ITGA1: variants seen among roughly 807,000 people sequenced by gnomAD.
ITGA1 encodes integrin subunit alpha 1.
ITGA1 carries 85 observed loss-of-function variants against 145.9 expected under a neutral mutation model. That is an observed-to-expected ratio of 0.58 (90% CI 0.49 to 0.70). ITGA1 has a LOEUF of 0.70. Ranked by LOEUF, ITGA1 falls within the 30% of genes least tolerant of loss-of-function variation. The probability of loss-of-function intolerance (pLI) is 0.00; values close to 1 mark genes in which losing one functional copy is unlikely to be tolerated. For synonymous variants in ITGA1, 520 were observed against 495.3 expected, an observed-to-expected ratio of 1.05 and a Z score of -0.66; for missense variants, 1,351 against 1,418.7, an observed-to-expected ratio of 0.95 and a Z score of 0.77.
At chr5:52,858,579 A>G (rs759194512) in intron 2 of ITGA1, among the ~76,000 whole-genome samples, 2 of 152,218 alleles carry the variant, frequency 1.3e-5, no homozygotes, top group Non-Finnish European at 2.9e-5. Flanking sequence ...TCCAGCCTCA[A>G]ATTAAATACT....
At chr5:52,875,848 C>T (rs902255727) in intron 6 of ITGA1, among the ~76,000 whole-genome samples, 2 of 152,168 alleles carry the variant, frequency 1.3e-5, no homozygotes, top group African/African-American at 4.8e-5. Flanking sequence ...ATCATCCCAA[C>T]GTAATTGGCT....
At chr5:52,889,164 G>A (rs567265998) in intron 8 of ITGA1, among the ~76,000 whole-genome samples, 9 of 150,192 alleles carry the variant, frequency 6.0e-5, no homozygotes, top group East Asian at 3.9e-4. Context: ...GAAGTGGCAC[G>A]ATCTCGGCTC....
At chr5:52,912,071 C>G (rs1342187185) in intron 14 of ITGA1, among the ~76,000 whole-genome samples, 1 of 135,028 alleles carries the variant, frequency 7.4e-6, no homozygotes, top group Non-Finnish European at 1.5e-5. Context: ...TATACACACA[C>G]TATATATAGT....
rs868702806 is a variant in ITGA1, at chr5:52,933,662, T to G, written c.2862-232T>G. The G allele has an allele frequency of 1.9e-4, 48 of 254,960 alleles. No individual in the cohort carries two copies. The Middle Eastern group carries it at 7.3e-3, about 39-fold the overall frequency. 15.8% of individuals were successfully genotyped at this position (254,960 alleles called of 1,614,324 possible). A position where few individuals can be genotyped will look rare whatever the true frequency, so the allele number is the denominator to read the frequency against. On this transcript the variant is annotated intron_variant, in intron 22 of 28. Transcript: ENST00000282588. ...AAATTTTAACTTTTAAAACTCATAT[T>G]CTAGCATTTTGGGGTCAAATAAGCA...
intron 1 of ITGA1, among the ~76,000 whole-genome samples, chr5:52,831,551 T>C (rs1322271040): frequency 6.6e-6 from 1 of 151,764 alleles, no homozygotes; most frequent in Non-Finnish European, 1.5e-5. Flanking sequence ...AAAAAAACTC[T>C]AGAATTTTTA....
chr5:52,824,009 C>CCTTA (rs1234363180), intron 1 of ITGA1, among the ~76,000 whole-genome samples: 1 of 152,046 alleles, frequency 6.6e-6, no homozygotes, highest in East Asian at 1.9e-4. Flanking sequence ...AGAAAATGGG[C>CCTTA]CTTACTTTAA....
intron 8 of ITGA1, chr5:52,889,851 A>G (rs1040433762): frequency 6.6e-6 from 1 of 151,686 alleles, no homozygotes; most frequent in South Asian, 2.1e-4. Flanking sequence ...CTTCATGGTC[A>G]CTGGAGGCCA....
At chr5:52,862,860 T>C (rs572111973) in intron 3 of ITGA1, among the ~76,000 whole-genome samples, 1 of 152,306 alleles carries the variant, frequency 6.6e-6, no homozygotes, top group South Asian at 2.1e-4. Flanking sequence ...TATTTTTCAG[T>C]TCTCCTTTTT....
At chr5:52,814,150 T>G (rs573789020) in intron 1 of ITGA1, among the ~76,000 whole-genome samples, 106 of 152,272 alleles carry the variant, frequency 7.0e-4, no homozygotes, top group African/African-American at 2.3e-3. Flanking sequence ...TTTTTTGGTT[T>G]GTTTGTTTGA....
At chr5:52,849,941 A>G (rs1020897095) in intron 2 of ITGA1, among the ~76,000 whole-genome samples, 1 of 151,224 alleles carries the variant, frequency 6.6e-6, no homozygotes, top group African/African-American at 2.4e-5. Context: ...AATGAACTTT[A>G]TTGGGTTTCT....
In ITGA1 at chr5:52,947,387, C is replaced by A. The variant is rs1170616884; in HGVS notation, c.3421C>A (p.Pro1141Thr). ...CAAAGATGGGCTACCGGGCAGAGTG[C>A]CATTATGGGTCATCCTGCTGAGTGC... ...ISKDGLPGRV[P>T]LWVILLSAFA... The change falls in exon 28 of 29, where the codon CCA becomes ACA. Residue 1141 changes from proline to threonine, a missense_variant. By Grantham distance (38) the Pro-to-Thr change is conservative. Transcript: ENST00000282588. The A allele has an allele frequency of 6.2e-7, 1 of 1,613,348 alleles. No individual in the cohort carries two copies. Among genetic ancestry groups the A allele is most frequent in the East Asian group, 2.2e-5 (1 of 44,852 alleles).
intron 1 of ITGA1, among the ~76,000 whole-genome samples, chr5:52,818,986 C>T (rs1000919057): frequency 6.6e-5 from 10 of 152,078 alleles, no homozygotes; most frequent in African/African-American, 2.4e-4. Context: ...GACCCCAATC[C>T]CTCCTGTACT....
chr5:52,865,650 A>G, intron 5 of ITGA1, 40 bp from the exon 6 acceptor site: 1 of 1,407,358 alleles, frequency 7.1e-7, no homozygotes, highest in Non-Finnish European at 9.2e-7. Flanking sequence ...CTCTGAAAAA[A>G]ATAGATTCCA....
intron 3 of ITGA1, chr5:52,863,946 A>G (rs1289837399): frequency 6.6e-6 from 1 of 152,264 alleles, no homozygotes. Context: ...TGACCATTCC[A>G]GAATCTCTGC....
At position 52,832,285 on chromosome 5, in the gene ITGA1, T is replaced by G. The variant is rs370847395; in HGVS notation, c.62-17080T>G. Among the ~76,000 whole-genome samples, 182 of 152,200 alleles carry G rather than the reference T, an allele frequency of 1.2e-3. 5 individuals are homozygous for G. The highest frequency in any genetic ancestry group is 4.2e-3 in the African/African-American group (176 of 41,538). ...TGGTCCCCATAGAATTAATCAACGG[T>G]GGCCAAGAGTGTAGGTAACTAGATG... On this transcript the variant is annotated intron_variant, in intron 1 of 28. Coordinates refer to ENST00000282588, the MANE Select transcript of ITGA1 (RefSeq NM_181501.2).
At chr5:52,938,694 C>G (rs1275620719) in intron 24 of ITGA1, among the ~76,000 whole-genome samples, 1 of 152,140 alleles carries the variant, frequency 6.6e-6, no homozygotes, top group Non-Finnish European at 1.5e-5. Context: ...AGTCTAGAAC[C>G]AGCTATCTTA....
intron 6 of ITGA1, among the ~76,000 whole-genome samples, chr5:52,868,430 T>C (rs2111782298): frequency 6.6e-6 from 1 of 152,330 alleles, no homozygotes; most frequent in Middle Eastern, 3.4e-3. Flanking sequence ...GCTTATATGC[T>C]CAAGCTATTC....
rs755107293 is a variant in ITGA1, at chr5:52,887,837, C to T, written c.796C>T (p.Arg266Trp). The T allele has an allele frequency of 9.9e-6, 16 of 1,612,952 alleles. No homozygotes were observed. Among genetic ancestry groups the T allele is most frequent in the African/African-American group, 1.3e-5 (1 of 74,892 alleles). ...TAGAAAGGAGGCATTCACGGAAGCC[C>T]GGGGTGCCCGAAGAGGAGTTAAAAA... The part of the protein sequence containing the change: ...TARKEAFTEA[R>W]GARRGVKKVM... Residue 266 changes from arginine to tryptophan, a missense_variant, in exon 8 of 29, where the codon CGG (arginine) becomes TGG (tryptophan). Coordinates refer to ENST00000282588, the MANE Select transcript of ITGA1 (RefSeq NM_181501.2).
chr5:52,939,556 C>A, intron 24 of ITGA1, 34 bp from the exon 25 acceptor site: 2 of 1,372,176 alleles, frequency 1.5e-6, no homozygotes, highest in Non-Finnish European at 2.1e-6. Flanking sequence ...TGATATCTGG[C>A]ATTGTCTGAT....
Sources: allele counts gnomAD v4.1 joint callset (sites outside exome capture counted in the v4.1 genomes callset), GRCh38; gene constraint gnomAD v4.1.1; transcripts MANE v1.5; gene names NCBI Gene and HGNC (gene_info 2026-07-23, HGNC 2026-07-21).